The following BMPR1B variants were observed in gnomAD, a reference collection of about 807,000 sequenced individuals.
BMPR1B encodes the protein bone morphogenetic protein receptor type-1B.
A neutral mutation model predicts 59.1 loss-of-function variants in BMPR1B; 12 were observed. The ratio of observed to expected loss-of-function variants is 0.20; its 90% CI spans 0.13 to 0.33. BMPR1B has a LOEUF of 0.33. Ranked by LOEUF, BMPR1B falls within the 10% of genes least tolerant of loss-of-function variation. BMPR1B has a pLI of 1.00. For synonymous variants in BMPR1B, 237 were observed against 207.3 expected, an observed-to-expected ratio of 1.14 and a Z score of -1.23; for missense variants, 550 against 610.9, an observed-to-expected ratio of 0.90 and a Z score of 1.05.
chr4:94,758,092 C>T (rs1461272109), intron 1 of BMPR1B, 24 bp downstream of exon 1: 1 of 148,344 alleles, frequency 6.7e-6, no homozygotes, highest in Non-Finnish European at 1.5e-5. Context: ...GGCGGGGCCC[C>T]GTCCCCTGCG....
At chr4:94,829,504 A>G (rs1307434824) in intron 1 of BMPR1B, among the ~76,000 whole-genome samples, 1 of 152,032 alleles carries the variant, frequency 6.6e-6, no homozygotes, top group Non-Finnish European at 1.5e-5. Flanking sequence ...GGCTCAAGCG[A>G]TCTTGTCACC....
At chr4:94,867,179 G>T (rs1275933473) in intron 1 of BMPR1B, among the ~76,000 whole-genome samples, 2 of 152,002 alleles carry the variant, frequency 1.3e-5, no homozygotes, top group Admixed American at 1.3e-4. Flanking sequence ...TTCTAGCATG[G>T]CTAACCCTTC....
chr4:94,816,963 G>A (rs1724031137), intron 1 of BMPR1B, among the ~76,000 whole-genome samples: 1 of 152,136 alleles, frequency 6.6e-6, no homozygotes, highest in South Asian at 2.1e-4. Context: ...GCCTTTAGGA[G>A]GTGATTAAGT....
chr4:94,875,713 C>T (rs188669718), intron 1 of BMPR1B, 118 bp from the exon 2 acceptor site: 1 of 152,630 alleles, frequency 6.6e-6, no homozygotes, highest in East Asian at 1.9e-4. Flanking sequence ...ACTGTACTTC[C>T]CCTCCCATCC....
At chr4:94,880,497 T>C (rs1039729072) in intron 2 of BMPR1B, among the ~76,000 whole-genome samples, 1 of 151,976 alleles carries the variant, frequency 6.6e-6, no homozygotes, top group East Asian at 1.9e-4. Context: ...AATTTTGTTT[T>C]GTTTTTCTGT....
intron 1 of BMPR1B, among the ~76,000 whole-genome samples, chr4:94,819,143 AT>A (rs71583667): frequency 0.011 from 1,676 of 148,344 alleles, 24 homozygotes; most frequent in African/African-American, 0.037. Context: ...CTCAAATAAA[AT>A]TTTTTTTTTT....
intron 1 of BMPR1B, among the ~76,000 whole-genome samples, chr4:94,758,795 T>C (rs1322061347): frequency 6.6e-6 from 1 of 151,938 alleles, no homozygotes. Flanking sequence ...ATCCTTTGCC[T>C]CTCCCCCCGG....
rs1730415315 is a variant in BMPR1B, at chr4:95,096,755, TTATA to T, written c.-17-7648_-17-7645del. On this transcript the variant is annotated intron_variant, in intron 3 of 12. Transcript: ENST00000515059. The stretch of plus-strand genomic sequence containing the variant: ...TATAGTTATATATAACTATATATAG[TTATA>T]TATAACTATGTATAGTTATATATAA... Among the ~76,000 whole-genome samples, 14 of 134,336 alleles carry T rather than the reference TTATA, an allele frequency of 1.0e-4. No individual in the cohort carries two copies. The South Asian group carries it at 3.2e-3, about 31-fold the overall frequency. The allele number at this position is 134,336 out of a possible 152,430, so 88.1% of individuals were successfully genotyped here.
chr4:95,120,607 G>T (rs375548835), intron 6 of BMPR1B, among the ~76,000 whole-genome samples: 2 of 57,302 alleles, frequency 3.5e-5, no homozygotes, highest in South Asian at 4.8e-4. Flanking sequence ...TCAATAGCCT[G>T]CCTTTCCTTC....
intron 2 of BMPR1B, among the ~76,000 whole-genome samples, chr4:94,992,745 A>T (rs1462484785): frequency 1.3e-5 from 2 of 152,240 alleles, no homozygotes; most frequent in Non-Finnish European, 2.9e-5. Context: ...CTGCAATTAC[A>T]GCATCATACA....
chr4:94,868,745 G>A (rs1443224244), intron 1 of BMPR1B, among the ~76,000 whole-genome samples: 4 of 152,200 alleles, frequency 2.6e-5, no homozygotes, highest in African/African-American at 9.7e-5. Flanking sequence ...TTTGAATTTA[G>A]CATAATGCAT....
At chr4:95,026,166 T>TTCTTTCTTTC (rs1421730449) in intron 3 of BMPR1B, among the ~76,000 whole-genome samples, 2 of 30,520 alleles carry the variant, frequency 6.6e-5, no homozygotes, top group Admixed American at 4.0e-4. Context: ...TTCTTTCTCT[T>TTCTTTCTTTC]TTTCTCTTTC....
At position 94,800,001 on chromosome 4, in the gene BMPR1B, C is replaced by T. The variant is rs1326342089; in HGVS notation, c.-183+41933C>T. 3.3e-5 allele frequency among the ~76,000 whole-genome samples: 5 copies of T among 152,230 alleles called. No individual in the cohort carries two copies. In the South Asian group the frequency reaches 8.3e-4, roughly 25 times the overall value. On this transcript the variant is annotated intron_variant, in intron 1 of 12. Coordinates refer to ENST00000515059, the MANE Select transcript of BMPR1B (RefSeq NM_001203.3). ...CACTGTGCCCAGCTTCAGTGGGTGT[C>T]ACTTTTTAAAATTATGATTCAATCA...
At chr4:94,919,428 A>G (rs1320739835) in intron 2 of BMPR1B, among the ~76,000 whole-genome samples, 2 of 152,222 alleles carry the variant, frequency 1.3e-5, no homozygotes, top group African/African-American at 2.4e-5. Flanking sequence ...AGGCTTCACA[A>G]ACCAATACTT....
At position 95,051,646 on chromosome 4, in the gene BMPR1B, G is replaced by A. The variant is rs563282495; in HGVS notation, c.-17-52762G>A. On this transcript the variant is annotated intron_variant, in intron 3 of 12. Transcript: ENST00000515059. ...AGGCGTCTCAGTGAAAGACGGAAAGGCAAGAAACAGGAGGCTTAAACAGGC... is the reference window on the plus strand; with the variant it reads ...AGGCGTCTCAGTGAAAGACGGAAAGACAAGAAACAGGAGGCTTAAACAGGC... The A allele has an allele frequency of 3.3e-6, 5 of 1,508,734 alleles. No individual in the cohort carries two copies. The Admixed American group carries it at 5.9e-5, about 18-fold the overall frequency. 93.5% of individuals were successfully genotyped at this position (1,508,734 alleles called of 1,614,324 possible).
intron 2 of BMPR1B, among the ~76,000 whole-genome samples, chr4:94,914,888 A>G (rs142500263): frequency 0.016 from 2,414 of 152,232 alleles, 64 homozygotes; most frequent in African/African-American, 0.054. Context: ...ATTGTAAGCT[A>G]TTGATATGAA....
At chr4:94,811,976 G>A (rs1488412518) in intron 1 of BMPR1B, among the ~76,000 whole-genome samples, 1 of 152,164 alleles carries the variant, frequency 6.6e-6, no homozygotes, top group Non-Finnish European at 1.5e-5. Context: ...GCTTGAAAAT[G>A]TGAAAATATT....
At chr4:94,903,793 C>T (rs1266373986) in intron 2 of BMPR1B, among the ~76,000 whole-genome samples, 1 of 151,782 alleles carries the variant, frequency 6.6e-6, no homozygotes, top group East Asian at 1.9e-4. Context: ...AGAGGAAGGA[C>T]CAGGTGAAAA....
chr4:94,857,072 CTCTT>C (rs1427289682), intron 1 of BMPR1B, among the ~76,000 whole-genome samples: 1 of 151,964 alleles, frequency 6.6e-6, no homozygotes, highest in African/African-American at 2.4e-5. Flanking sequence ...GCTTCAGGAA[CTCTT>C]TCAGATTTCA....
Sources: allele counts gnomAD v4.1 joint callset (sites outside exome capture counted in the v4.1 genomes callset), GRCh38; gene constraint gnomAD v4.1.1; transcripts MANE v1.5; gene names NCBI Gene and HGNC (gene_info 2026-07-23, HGNC 2026-07-21).